The following ROBO1 variants were observed in gnomAD, a reference collection of about 807,000 sequenced individuals.
ROBO1 encodes roundabout guidance receptor 1.
In ROBO1, 149 loss-of-function variants were observed where a neutral mutation model predicts 195.9. The observed-to-expected ratio is 0.76, with a 90% CI of 0.67 to 0.87. The LOEUF is 0.87. Among genes scored for constraint, ROBO1 ranks in the 40% least tolerant of loss-of-function variants. The pLI is 0.00. For synonymous variants in ROBO1, 816 were observed against 733.2 expected (o/e 1.11, Z -1.82); for missense variants, 1,933 against 2,068.3 (o/e 0.93, Z 1.27).
chr3:78,905,741 A>G (rs943475670), intron 4 of ROBO1, among the ~76,000 whole-genome samples: 5 of 152,154 alleles, frequency 3.3e-5, no homozygotes, highest in Non-Finnish European at 5.9e-5. Flanking sequence ...CACTATAAAC[A>G]AGGTGCTATA....
intron 2 of ROBO1, among the ~76,000 whole-genome samples, chr3:79,501,007 C>T (rs572750757): frequency 1.3e-5 from 2 of 152,246 alleles, no homozygotes; most frequent in South Asian, 2.1e-4. Flanking sequence ...TTCCACACCC[C>T]TCACCACTCA....
At chr3:79,259,914 T>A (rs1325154148) in intron 2 of ROBO1, among the ~76,000 whole-genome samples, 2 of 152,138 alleles carry the variant, frequency 1.3e-5, no homozygotes, top group Non-Finnish European at 2.9e-5. Flanking sequence ...CATTTGTAAT[T>A]CTTGCTTCAT....
chr3:79,340,885 A>G (rs533657916), intron 2 of ROBO1, among the ~76,000 whole-genome samples: 2 of 152,324 alleles, frequency 1.3e-5, no homozygotes, highest in South Asian at 4.1e-4. Context: ...CCTGATGTAG[A>G]TTAAATATGG....
chr3:79,472,325 GAAC>G (rs1938324387), intron 2 of ROBO1, among the ~76,000 whole-genome samples: 1 of 152,064 alleles, frequency 6.6e-6, no homozygotes, highest in Non-Finnish European at 1.5e-5. Flanking sequence ...GACAATTTTA[GAAC>G]AACCCAGAAG....
chr3:79,756,334 G>A (rs77310296), intron 1 of ROBO1, among the ~76,000 whole-genome samples: 41 of 151,910 alleles, frequency 2.7e-4, no homozygotes, highest in African/African-American at 8.2e-4. Context: ...GGCGGTTCAC[G>A]AGGTTAGGAG....
At chr3:79,410,423 A>C (rs1357629364) in intron 2 of ROBO1, among the ~76,000 whole-genome samples, 1 of 152,062 alleles carries the variant, frequency 6.6e-6, no homozygotes, top group Non-Finnish European at 1.5e-5. Context: ...GGTAAAAATA[A>C]AAACAAAAAT....
At chr3:79,129,582 A>C (rs1202306185) in intron 2 of ROBO1, among the ~76,000 whole-genome samples, 1 of 152,150 alleles carries the variant, frequency 6.6e-6, no homozygotes, top group African/African-American at 2.4e-5. Flanking sequence ...TTTGTCTTTA[A>C]ATATAATAAT....
chr3:79,160,017 T>C (rs1559702014), intron 2 of ROBO1, among the ~76,000 whole-genome samples: 1 of 152,176 alleles, frequency 6.6e-6, no homozygotes, highest in South Asian at 2.1e-4. Flanking sequence ...GATAGAAAGA[T>C]AGAGATGTCC....
rs568960800 is a variant in ROBO1 at position 79,650,524 on chromosome 3, T to C, written c.-50-60563A>G. Among the ~76,000 whole-genome samples the C allele has an allele frequency of 3.9e-5, 6 of 151,920 alleles. No homozygotes were observed. In the South Asian group the frequency reaches 1.0e-3, roughly 26 times the overall value. On this transcript the variant is annotated intron_variant, in intron 1 of 30. Coordinates refer to ENST00000464233, the MANE Select transcript of ROBO1 (RefSeq NM_002941.4). ...TAAAATACATAATTCTTTATGTATA[T>C]GTAAAATTCTTAGATATTTTTCCAG... is the stretch of plus-strand genomic sequence containing the variant.
intron 3 of ROBO1, among the ~76,000 whole-genome samples, chr3:79,051,801 C>A (rs372448866): frequency 6.6e-6 from 1 of 152,218 alleles, no homozygotes; most frequent in Admixed American, 6.5e-5. Flanking sequence ...GTCTTTACTG[C>A]AATCTCTGAA....
intron 2 of ROBO1, among the ~76,000 whole-genome samples, chr3:79,219,561 A>G (rs1363263728): frequency 6.6e-6 from 1 of 152,040 alleles, no homozygotes; most frequent in East Asian, 1.9e-4. Context: ...TGAACCATGC[A>G]TGATTTCAAA....
intron 2 of ROBO1, among the ~76,000 whole-genome samples, chr3:79,234,834 G>A (rs1156820879): frequency 6.6e-6 from 1 of 152,016 alleles, no homozygotes; most frequent in Non-Finnish European, 1.5e-5. Context: ...GTAGGGGGAG[G>A]GAGAAGGGTA....
At chr3:79,672,777 G>T (rs1218667013) in intron 1 of ROBO1, among the ~76,000 whole-genome samples, 1 of 151,902 alleles carries the variant, frequency 6.6e-6, no homozygotes, top group Non-Finnish European at 1.5e-5. Context: ...CAGAAATCTA[G>T]TTTCTGATAC....
At chr3:78,673,564 A>ATT (rs1708204359) in intron 10 of ROBO1, among the ~76,000 whole-genome samples, 2 of 21,234 alleles carry the variant, frequency 9.4e-5, no homozygotes, top group Non-Finnish European at 1.8e-4. Context: ...CATATATTTT[A>ATT]TATATATATA....
At chr3:79,128,555 C>T (rs2080260720) in intron 2 of ROBO1, among the ~76,000 whole-genome samples, 1 of 152,110 alleles carries the variant, frequency 6.6e-6, no homozygotes, top group Non-Finnish European at 1.5e-5. Flanking sequence ...GGATAAAAAG[C>T]TTGCTACAAA....
intron 4 of ROBO1, among the ~76,000 whole-genome samples, chr3:78,789,389 T>G (rs2108518659): frequency 6.6e-6 from 1 of 152,294 alleles, no homozygotes; most frequent in Non-Finnish European, 1.5e-5. Flanking sequence ...TTTTAACGAC[T>G]AAGAATGAGG....
intron 26 of ROBO1, among the ~76,000 whole-genome samples, chr3:78,625,407 C>T (rs1162530752): frequency 6.6e-6 from 1 of 152,134 alleles, no homozygotes; most frequent in Non-Finnish European, 1.5e-5. Flanking sequence ...GTTGAAAATT[C>T]TAAACAAGAC....
rs1946905876 is a variant in ROBO1, at chr3:79,680,297, C to T, written c.-51+87455G>A. Among the ~76,000 whole-genome samples the T allele has an allele frequency of 3.9e-5, 6 of 151,944 alleles. 1 individual carries two copies. In the South Asian group the frequency reaches 1.2e-3, roughly 31 times the overall value. On this transcript the variant is annotated intron_variant, in intron 1 of 30. Transcript: ENST00000464233. ...AATGCTACCATGTACCAAGGTGAAG[C>T]AATAACATGAGTCTTTGGAAAATAG... is the stretch of plus-strand genomic sequence containing the variant.
intron 2 of ROBO1, among the ~76,000 whole-genome samples, chr3:79,519,628 CAAAA>C (rs71631657): frequency 7.7e-5 from 5 of 64,714 alleles, no homozygotes; most frequent in African/African-American, 1.1e-4. Context: ...GACTCCTGCT[CAAAA>C]AAAAAAAAAA....
Sources: gnomAD v4.1 joint callset for allele counts (sites outside exome capture counted in the v4.1 genomes callset) on GRCh38, gnomAD v4.1.1 for gene constraint, MANE v1.5 for transcripts, NCBI Gene and HGNC (gene_info 2026-07-23, HGNC 2026-07-21) for gene names.